The following SYN3 variants were observed in gnomAD, a reference collection of about 807,000 sequenced individuals.
The protein encoded by SYN3 is synapsin III.
Under a neutral mutation model 65.8 loss-of-function variants are expected in SYN3, and 35 were observed. The observed-to-expected ratio is 0.53, with a 90% CI of 0.41 to 0.70. SYN3 has a LOEUF of 0.70. SYN3 is among the 30% of genes least tolerant of loss of function. The pLI, the probability that SYN3 is intolerant of heterozygous loss-of-function variation, is 0.00. For missense variants in SYN3, 680 were observed against 749.0 expected, an observed-to-expected ratio of 0.91 and a Z score of 1.08; for synonymous variants, 270 against 292.9, an observed-to-expected ratio of 0.92 and a Z score of 0.80.
intron 6 of SYN3, among the ~76,000 whole-genome samples, chr22:32,810,071 T>C (rs1254269975): frequency 6.6e-6 from 1 of 152,256 alleles, no homozygotes; most frequent in Non-Finnish European, 1.5e-5. Context: ...TGTTCATGTC[T>C]GGCATCCAGG....
At chr22:32,712,187 G>A (rs1031490185) in intron 6 of SYN3, among the ~76,000 whole-genome samples, 2 of 152,146 alleles carry the variant, frequency 1.3e-5, no homozygotes, top group African/African-American at 4.8e-5. Context: ...GTTTTCTCAT[G>A]GCCACAGGCT....
At chr22:32,542,582 G>A (rs1004976122) in intron 7 of SYN3, among the ~76,000 whole-genome samples, 1 of 151,084 alleles carries the variant, frequency 6.6e-6, no homozygotes, top group South Asian at 2.1e-4. Flanking sequence ...TGTGTGTGGT[G>A]TGTGTTGTAC....
chr22:32,603,481 C>T (rs2059315937), intron 6 of SYN3, among the ~76,000 whole-genome samples: 1 of 150,568 alleles, frequency 6.6e-6, no homozygotes, highest in South Asian at 2.1e-4. Context: ...GATCGTGCCA[C>T]TGCACTCCAG....
At chr22:32,957,048 G>T (rs1048433178) in intron 3 of SYN3, among the ~76,000 whole-genome samples, 1 of 152,204 alleles carries the variant, frequency 6.6e-6, no homozygotes, top group African/African-American at 2.4e-5. Context: ...AGGCTAATCA[G>T]GAAGGGCCCT....
intron 6 of SYN3, among the ~76,000 whole-genome samples, chr22:32,655,728 A>C (rs1229316899): frequency 1.3e-5 from 2 of 152,172 alleles, no homozygotes; most frequent in Non-Finnish European, 2.9e-5. Flanking sequence ...AAACAAGCTC[A>C]GGGCTCCCAC....
At chr22:32,813,503 AC>A (rs2046969595) in intron 6 of SYN3, among the ~76,000 whole-genome samples, 1 of 149,116 alleles carries the variant, frequency 6.7e-6, no homozygotes, top group African/African-American at 2.5e-5. Context: ...ACACACACAC[AC>A]ACACACACAC....
At chr22:32,572,354 CTTACTT>C (rs1183452989) in intron 7 of SYN3, among the ~76,000 whole-genome samples, 13 of 82,584 alleles carry the variant, frequency 1.6e-4, no homozygotes, top group African/African-American at 4.2e-4. Context: ...CCTTCCTTCC[CTTACTT>C]CCCTTCCACC....
chr22:32,727,790 G>C (rs1450726593), intron 6 of SYN3, among the ~76,000 whole-genome samples: 2 of 152,174 alleles, frequency 1.3e-5, no homozygotes, highest in African/African-American at 4.8e-5. Context: ...TTTAAGAAGT[G>C]TCTGTTCATG....
At chr22:32,943,164 A>G (rs2050993223) in intron 3 of SYN3, among the ~76,000 whole-genome samples, 1 of 152,218 alleles carries the variant, frequency 6.6e-6, no homozygotes, top group South Asian at 2.1e-4. Flanking sequence ...CAAAGTTGAA[A>G]TGAAGGAAAA....
At chr22:32,958,108 C>T (rs2051524444) in intron 3 of SYN3, among the ~76,000 whole-genome samples, 1 of 152,206 alleles carries the variant, frequency 6.6e-6, no homozygotes, top group South Asian at 2.1e-4. Flanking sequence ...CTCACAATGA[C>T]ATTCACATGT....
At chr22:32,775,852 G>T (rs5754265) in intron 6 of SYN3, among the ~76,000 whole-genome samples, 103,789 of 152,018 alleles carry the variant, frequency 0.68, 35,696 homozygotes, top group African/African-American at 0.75. Flanking sequence ...CCTTCCAAAA[G>T]ATATTCATGC....
chr22:32,538,790 C>T (rs936115098), intron 8 of SYN3, among the ~76,000 whole-genome samples: 1 of 152,180 alleles, frequency 6.6e-6, no homozygotes, highest in South Asian at 2.1e-4. Flanking sequence ...AAATAGACTG[C>T]CCGGTACTAC....
chr22:32,565,732 T>G (rs1009393736), intron 7 of SYN3, among the ~76,000 whole-genome samples: 2 of 149,436 alleles, frequency 1.3e-5, no homozygotes, highest in Non-Finnish European at 3.0e-5. Flanking sequence ...TTATTTAATT[T>G]TTTTTTACTC....
chr22:33,022,128 A>G (rs2053570973), intron 1 of SYN3, among the ~76,000 whole-genome samples: 1 of 152,242 alleles, frequency 6.6e-6, no homozygotes, highest in Non-Finnish European at 1.5e-5. Context: ...TGTAAACACA[A>G]CACGGCTTAT....
chr22:32,639,875 T>C (rs1209671894), intron 6 of SYN3, among the ~76,000 whole-genome samples: 1 of 152,224 alleles, frequency 6.6e-6, no homozygotes, highest in Non-Finnish European at 1.5e-5. Context: ...TGTCAGAATC[T>C]GTGGTTTAGC....
chr22:33,006,905 CA>C (rs2053214157), intron 1 of SYN3, 81 bp from the exon 2 acceptor site: 1 of 378,474 alleles, frequency 2.6e-6, no homozygotes, highest in South Asian at 9.9e-5. Flanking sequence ...TTTCCTGCCC[CA>C]CTGCAGGTGG....
At chr22:32,813,407 G>A (rs1289751561) in intron 6 of SYN3, among the ~76,000 whole-genome samples, 3 of 151,916 alleles carry the variant, frequency 2.0e-5, no homozygotes, top group Non-Finnish European at 4.4e-5. Context: ...ATCAGGATGT[G>A]AGTCTAGTGA....
intron 6 of SYN3, among the ~76,000 whole-genome samples, chr22:32,830,549 G>A (rs1336523803): frequency 6.6e-6 from 1 of 152,178 alleles, no homozygotes; most frequent in Non-Finnish European, 1.5e-5. Flanking sequence ...GAAGCTGCCT[G>A]TGACCTTTCT....
chr22:32,794,353 C>T (rs373117811), intron 6 of SYN3, among the ~76,000 whole-genome samples: 13 of 152,224 alleles, frequency 8.5e-5, no homozygotes, highest in East Asian at 1.9e-4. Flanking sequence ...AAATACCTCA[C>T]GGGAAACAAG....
Sources: gnomAD v4.1 joint callset for allele counts (sites outside exome capture counted in the v4.1 genomes callset) on GRCh38, gnomAD v4.1.1 for gene constraint, MANE v1.5 for transcripts, NCBI Gene and HGNC (gene_info 2026-07-23, HGNC 2026-07-21) for gene names.